CSMD1: variants seen among roughly 807,000 people sequenced by gnomAD.
CSMD1 encodes the protein CUB and sushi domain-containing protein 1.
CSMD1 carries 213 observed loss-of-function variants against 417.5 expected under a neutral mutation model. That is an observed-to-expected ratio of 0.51 (90% CI 0.46 to 0.57). The LOEUF (loss-of-function observed/expected upper bound fraction) is 0.57, where lower values mean the gene tolerates loss of function less well. Among genes scored for constraint, CSMD1 ranks in the 20% least tolerant of loss-of-function variants. The pLI is 0.00. For missense variants in CSMD1, 6,923 were observed against 4,529.7 expected, an observed-to-expected ratio of 1.53 and a Z score of -15.17; for synonymous variants, 2,862 against 1,736.8, an observed-to-expected ratio of 1.65 and a Z score of -16.11.
At chr8:4,177,265 G>C (rs561494878) in intron 3 of CSMD1, among the ~76,000 whole-genome samples, 5 of 152,052 alleles carry the variant, frequency 3.3e-5, no homozygotes, top group East Asian at 1.9e-4. Context: ...TAGAACTCAG[G>C]ATTAAGAAAC....
At chr8:3,720,204 C>T (rs1240573601) in intron 6 of CSMD1, among the ~76,000 whole-genome samples, 2 of 152,142 alleles carry the variant, frequency 1.3e-5, no homozygotes, top group Non-Finnish European at 2.9e-5. Flanking sequence ...CCAAGTAAGA[C>T]GTCCATGGAG....
At chr8:3,489,066 A>C (rs2117280105) in intron 11 of CSMD1, among the ~76,000 whole-genome samples, 1 of 152,334 alleles carries the variant, frequency 6.6e-6, no homozygotes, top group African/African-American at 2.4e-5. Context: ...TACACACACA[A>C]ATACACACGT....
intron 2 of CSMD1, among the ~76,000 whole-genome samples, chr8:4,431,238 A>T (rs538368736): frequency 6.6e-6 from 1 of 152,318 alleles, no homozygotes; most frequent in East Asian, 1.9e-4. Context: ...TTAAAAAAAT[A>T]GTGAAATGGC....
intron 1 of CSMD1, among the ~76,000 whole-genome samples, chr8:4,747,245 A>T (rs1257150870): frequency 6.6e-6 from 1 of 152,228 alleles, no homozygotes; most frequent in Non-Finnish European, 1.5e-5. Flanking sequence ...TTATTGAGAC[A>T]TGCCTTTTTC....
At chr8:4,472,714 A>C (rs1800604281) in intron 2 of CSMD1, among the ~76,000 whole-genome samples, 1 of 152,042 alleles carries the variant, frequency 6.6e-6, no homozygotes. Flanking sequence ...TATTAGGTGT[A>C]AACAGCACTT....
At chr8:4,913,247 A>C (rs1342681904) in intron 1 of CSMD1, among the ~76,000 whole-genome samples, 2 of 152,104 alleles carry the variant, frequency 1.3e-5, no homozygotes, top group African/African-American at 4.8e-5. Context: ...ACGCAACACA[A>C]GTTGTTTCTC....
intron 33 of CSMD1, among the ~76,000 whole-genome samples, chr8:3,190,676 A>G (rs1796361991): frequency 6.6e-6 from 1 of 152,206 alleles, no homozygotes; most frequent in African/African-American, 2.4e-5. Flanking sequence ...CCAGAGAAAA[A>G]TCGGTACTCT....
At chr8:4,168,438 A>C (rs1797581118) in intron 3 of CSMD1, among the ~76,000 whole-genome samples, 1 of 152,008 alleles carries the variant, frequency 6.6e-6, no homozygotes, top group East Asian at 1.9e-4. Context: ...ATATTTTAGT[A>C]ATATTGCAAT....
chr8:3,289,482 C>T (rs559812923), intron 25 of CSMD1, among the ~76,000 whole-genome samples: 2 of 147,304 alleles, frequency 1.4e-5, no homozygotes, highest in Non-Finnish European at 2.9e-5. Flanking sequence ...TCCTCTCCAG[C>T]ACCTGTTTTT....
chr8:4,340,076 G>T (rs558195573), intron 3 of CSMD1, among the ~76,000 whole-genome samples: 3 of 152,158 alleles, frequency 2.0e-5, no homozygotes, highest in African/African-American at 7.2e-5. Flanking sequence ...CTCTGGTAAC[G>T]TAAGTATTAG....
chr8:3,493,688 T>G lies in CSMD1; in HGVS notation c.1383A>C (p.Arg461=). Residue 461 remains arginine (R), a synonymous_variant, in exon 11 of 70, where the codon CGA becomes CGC. Transcript: ENST00000635120. Reference sequence around the variant, plus strand: ...CACCAACCGTCAGGGTGTCATAGCCTCGCTCCAGCTCAAACTCTTCAAAGG... The same window carrying G: ...CACCAACCGTCAGGGTGTCATAGCCGCGCTCCAGCTCAAACTCTTCAAAGG... ...KLAFEEFELE[R]GYDTLTVGDA... 1.2e-6 allele frequency: 2 copies of G among 1,612,108 alleles called. No homozygotes were observed. The highest frequency in any genetic ancestry group is 1.7e-6 in the Non-Finnish European group (2 of 1,179,194).
intron 3 of CSMD1, among the ~76,000 whole-genome samples, chr8:4,231,502 G>A (rs770320654): frequency 5.3e-5 from 7 of 132,124 alleles, no homozygotes; most frequent in African/African-American, 8.7e-5. Context: ...CCTTCAATTA[G>A]GAGACATAAG....
intron 2 of CSMD1, among the ~76,000 whole-genome samples, chr8:4,585,386 G>A (rs1035662911): frequency 2.6e-5 from 4 of 152,232 alleles, no homozygotes; most frequent in African/African-American, 7.2e-5. Flanking sequence ...ATTTTTGAAA[G>A]AGGGATAACG....
intron 1 of CSMD1, among the ~76,000 whole-genome samples, chr8:4,834,110 T>C (rs984597945): frequency 1.9e-4 from 29 of 152,230 alleles, no homozygotes; most frequent in African/African-American, 7.0e-4. Flanking sequence ...TCCTTTTGTT[T>C]CTTGTTACAT....
intron 3 of CSMD1, among the ~76,000 whole-genome samples, chr8:4,387,470 G>C: frequency 6.8e-6 from 1 of 146,368 alleles, no homozygotes; most frequent in East Asian, 2.1e-4. Flanking sequence ...AGGAAGTTGA[G>C]TGTACTTTCA....
chr8:3,519,344 G>C (rs1336869018), intron 10 of CSMD1, among the ~76,000 whole-genome samples: 1 of 152,112 alleles, frequency 6.6e-6, no homozygotes, highest in Non-Finnish European at 1.5e-5. Context: ...AAATTTATCT[G>C]CAGAAAAAGA....
intron 1 of CSMD1, among the ~76,000 whole-genome samples, chr8:4,880,865 T>C (rs913788000): frequency 6.6e-6 from 1 of 152,182 alleles, no homozygotes; most frequent in Non-Finnish European, 1.5e-5. Context: ...AGCTATTTAG[T>C]ATTATTCATG....
In CSMD1 at chr8:4,358,115, TAATTTATTCTCAA is replaced by T. The variant is rs559408196; in HGVS notation, c.415+61825_415+61837del. Among the ~76,000 whole-genome samples, 3 of 152,350 alleles carry T rather than the reference TAATTTATTCTCAA, an allele frequency of 2.0e-5. No individual in the cohort carries two copies. The South Asian group carries it at 6.2e-4, about 32-fold the overall frequency. Reference sequence around the variant, plus strand: ...ATACATATGCTATGATCAGCCAATTTAATTTATTCTCAAAATTTATTCTCAAAATTTCCATGCA... The same window carrying T: ...ATACATATGCTATGATCAGCCAATTTAATTTATTCTCAAAATTTCCATGCA... On this transcript the variant is annotated intron_variant, in intron 3 of 69. Coordinates refer to ENST00000635120, the MANE Select transcript of CSMD1 (RefSeq NM_033225.6).
chr8:3,661,896 A>G (rs183367516), intron 7 of CSMD1, among the ~76,000 whole-genome samples: 28 of 152,312 alleles, frequency 1.8e-4, no homozygotes, highest in Admixed American at 1.2e-3. Context: ...GTACAGGAAG[A>G]TGGAAGAAGA....
Sources: allele counts gnomAD v4.1 joint callset (sites outside exome capture counted in the v4.1 genomes callset), GRCh38; gene constraint gnomAD v4.1.1; transcripts MANE v1.5; gene names NCBI Gene and HGNC (gene_info 2026-07-23, HGNC 2026-07-21).